Variants in FBXO42 observed in about 807,000 individuals in gnomAD.
FBXO42 encodes F-box only protein 42.
Under a neutral mutation model 71.7 loss-of-function variants are expected in FBXO42, and 12 were observed. That is an observed-to-expected ratio of 0.17 (90% CI 0.11 to 0.27). The LOEUF is 0.27. FBXO42 is among the 10% of genes least tolerant of loss of function. The pLI is 1.00. For missense variants in FBXO42, 707 were observed against 911.9 expected (o/e 0.78, Z 2.89); for synonymous variants, 325 against 327.5 (o/e 0.99, Z 0.08).
intron 1 of FBXO42, among the ~76,000 whole-genome samples, chr1:16,316,740 A>AG (rs1449536868): frequency 7.9e-5 from 12 of 151,348 alleles, no homozygotes; most frequent in Non-Finnish European, 1.6e-4. Context: ...CAAAAAAAAA[A>AG]AAAAAAAAAA....
intron 4 of FBXO42, among the ~76,000 whole-genome samples, chr1:16,266,992 C>T (rs370479050): frequency 6.6e-6 from 1 of 152,028 alleles, no homozygotes; most frequent in Non-Finnish European, 1.5e-5. Context: ...GTAAGGGCAA[C>T]AACAAAAGCA....
chr1:16,292,851 G>A (rs1466619761), intron 4 of FBXO42: 1 of 152,180 alleles, frequency 6.6e-6, no homozygotes, highest in Non-Finnish European at 1.5e-5. Context: ...TCCCAAGCAT[G>A]GTGGCAATAG....
intron 1 of FBXO42, among the ~76,000 whole-genome samples, chr1:16,337,861 G>A (rs2082565388): frequency 2.7e-5 from 3 of 111,764 alleles, no homozygotes; most frequent in South Asian, 3.0e-4. Flanking sequence ...TCCAGCCTGG[G>A]AGAAAGAGCG....
chr1:16,250,662 A>G lies in FBXO42; in HGVS notation c.*8T>C. On this transcript the variant is annotated 3_prime_UTR_variant, in exon 10 of 10. Coordinates refer to ENST00000375592, the MANE Select transcript of FBXO42 (RefSeq NM_018994.3). The surrounding 1 kb of genome is among the most constrained non-coding windows in gnomAD (Gnocchi z 4.7). ...AAGCCACAGAAAAGGAAAGGGGTTT[A>G]GAACACATTATCTCTTTGCTCGTAC... The G allele has an allele frequency of 2.5e-6, 4 of 1,608,676 alleles. No homozygotes were observed. Among genetic ancestry groups the G allele is most frequent in the Non-Finnish European group, 3.4e-6 (4 of 1,176,394 alleles).
At chr1:16,338,626 TA>T (rs2082574998) in intron 1 of FBXO42, among the ~76,000 whole-genome samples, 1 of 151,964 alleles carries the variant, frequency 6.6e-6, no homozygotes, top group Admixed American at 6.6e-5. Flanking sequence ...AGTAGCATGG[TA>T]AAAACAGTGT....
intron 1 of FBXO42, among the ~76,000 whole-genome samples, chr1:16,330,481 T>G (rs1489713717): frequency 1.3e-5 from 2 of 152,166 alleles, no homozygotes; most frequent in East Asian, 3.8e-4. Flanking sequence ...CACTCCAGCC[T>G]GTGTGACAGA....
intron 1 of FBXO42, among the ~76,000 whole-genome samples, chr1:16,351,874 G>A (rs912047791): frequency 6.6e-6 from 1 of 152,076 alleles, no homozygotes; most frequent in African/African-American, 2.4e-5. Flanking sequence ...AATTTTGATG[G>A]GCACCCGACC....
Position 16,282,294 on chromosome 1 carries a change from C to T in FBXO42, c.502+12489G>A, listed in dbSNP as rs192914235. Among the ~76,000 whole-genome samples, 172 of 150,134 alleles carry T rather than the reference C, an allele frequency of 1.1e-3. 1 individual carries two copies. The highest frequency in any genetic ancestry group is 4.1e-3 in the African/African-American group (169 of 40,888). Reference sequence around the variant, plus strand: ...AGGCTGGAGTGCAGTGGCGCGATCTCGGCTCACTGCAACTTCTGCCTCCTG... The same window carrying T: ...AGGCTGGAGTGCAGTGGCGCGATCTTGGCTCACTGCAACTTCTGCCTCCTG... On this transcript the variant is annotated intron_variant, in intron 4 of 9. Coordinates refer to ENST00000375592, the MANE Select transcript of FBXO42 (RefSeq NM_018994.3).
chr1:16,288,099 A>G (rs1159645341), intron 4 of FBXO42, among the ~76,000 whole-genome samples: 1 of 152,104 alleles, frequency 6.6e-6, no homozygotes, highest in Non-Finnish European at 1.5e-5. Flanking sequence ...AGATCATGCC[A>G]TTGCACTCCA....
At chr1:16,300,820 A>C (rs186981224) in intron 3 of FBXO42, among the ~76,000 whole-genome samples, 2 of 152,090 alleles carry the variant, frequency 1.3e-5, no homozygotes, top group African/African-American at 4.8e-5. Flanking sequence ...CATCAATCTG[A>C]AAAGGACATT....
chr1:16,335,992 C>T (rs562964320), intron 1 of FBXO42, among the ~76,000 whole-genome samples: 60 of 151,760 alleles, frequency 4.0e-4, no homozygotes, highest in Non-Finnish European at 7.2e-4. Context: ...AGTACAATGG[C>T]GCAATCTCGG....
chr1:16,320,790 G>A (rs1253684878), intron 1 of FBXO42, among the ~76,000 whole-genome samples: 4 of 151,786 alleles, frequency 2.6e-5, no homozygotes, highest in South Asian at 2.1e-4. Flanking sequence ...TCAAACTCCC[G>A]ACCTCAAGTA....
intron 1 of FBXO42, among the ~76,000 whole-genome samples, chr1:16,341,174 T>C (rs998770926): frequency 6.6e-6 from 1 of 152,200 alleles, no homozygotes; most frequent in Admixed American, 6.6e-5. Context: ...AAAAAAAGAA[T>C]ATATGCAGAT....
chr1:16,335,466 CAATT>C (rs1453648315), intron 1 of FBXO42, among the ~76,000 whole-genome samples: 1 of 152,150 alleles, frequency 6.6e-6, no homozygotes, highest in African/African-American at 2.4e-5. Context: ...TAATCTGCCA[CAATT>C]AGAGAGAATT....
intron 4 of FBXO42, among the ~76,000 whole-genome samples, chr1:16,276,178 G>A (rs1447985905): frequency 2.6e-5 from 4 of 151,960 alleles, no homozygotes; most frequent in Middle Eastern, 3.4e-3. Flanking sequence ...TCAGGAGATC[G>A]AGACCATCCT....
chr1:16,315,773 C>T (rs2082357386), intron 1 of FBXO42, among the ~76,000 whole-genome samples: 1 of 152,132 alleles, frequency 6.6e-6, no homozygotes, highest in Non-Finnish European at 1.5e-5. Flanking sequence ...GAGCAACTAG[C>T]CTCCTTGGCC....
intron 3 of FBXO42, among the ~76,000 whole-genome samples, chr1:16,302,747 T>G (rs1038239404): frequency 2.0e-5 from 3 of 152,198 alleles, no homozygotes; most frequent in Admixed American, 6.5e-5. Context: ...TGACCTCAAG[T>G]GATCCGCCCT....
Position 16,315,408 on chromosome 1 carries a change from G to A in FBXO42, c.11C>T (p.Ser4Phe). The change falls in exon 2 of 10, where the codon TCC (serine) becomes TTC (phenylalanine). Residue 4 changes from serine (S) to phenylalanine (F), a missense_variant. Physicochemically the swap from Ser to Phe is radical, Grantham distance 155 (BLOSUM62 -2). Coordinates refer to ENST00000375592, the MANE Select transcript of FBXO42 (RefSeq NM_018994.3). MAS[S>F]SDSEDDSFMA... is the part of the protein sequence containing the mutation. ...GAAACTGTCATCTTCACTGTCCGAG[G>A]AGCTGGCCATGACATTCCACTCAAC... is the stretch of plus-strand genomic sequence containing the variant. 2 of 1,613,994 alleles carry A rather than the reference G, an allele frequency of 1.2e-6. No homozygotes were observed. The highest frequency in any genetic ancestry group is 1.7e-6 in the Non-Finnish European group (2 of 1,179,994).
chr1:16,299,971 TACTGA>T (rs776626700), intron 3 of FBXO42, among the ~76,000 whole-genome samples: 5 of 152,164 alleles, frequency 3.3e-5, no homozygotes, highest in Admixed American at 2.6e-4. Flanking sequence ...CACCCTAGCC[TACTGA>T]ACTTTACTTA....
Sources: gnomAD v4.1 joint callset for allele counts (sites outside exome capture counted in the v4.1 genomes callset) on GRCh38, gnomAD v4.1.1 for gene constraint, Gnocchi (gnomAD v3.1) non-coding constraint, MANE v1.5 for transcripts, NCBI Gene and HGNC (gene_info 2026-07-23, HGNC 2026-07-21) for gene names.